Variants in PRKAR1A observed in about 807,000 individuals in gnomAD.
The protein encoded by PRKAR1A is cAMP-dependent protein kinase type I-alpha regulatory subunit.
In PRKAR1A, 3 loss-of-function variants were observed where a neutral mutation model predicts 52.0. The observed-to-expected ratio is 0.06, with a 90% CI of 0.03 to 0.15. The LOEUF (loss-of-function observed/expected upper bound fraction) is 0.15. Ranked by LOEUF, PRKAR1A falls within the 10% of genes least tolerant of loss-of-function variation. The pLI, the probability that PRKAR1A is intolerant of heterozygous loss-of-function variation, is 1.00. For missense variants in PRKAR1A, 240 were observed against 477.4 expected (o/e 0.50, Z 4.63); for synonymous variants, 188 against 168.4 (o/e 1.12, Z -0.90).
intron 8 of PRKAR1A, chr17:68,528,658 C>T (rs2143362635): frequency 3.3e-6 from 2 of 606,770 alleles, no homozygotes; most frequent in Non-Finnish European, 5.8e-6. Flanking sequence ...AGCCACTGGG[C>T]TACCGAAGTA....
chr17:68,523,637 T>C (rs953928079), intron 3 of PRKAR1A, 88 bp from the exon 4 acceptor site: 5 of 981,966 alleles, frequency 5.1e-6, no homozygotes. Context: ...TACCATAATG[T>C]GGCTTGACAT....
intron 2 of PRKAR1A, among the ~76,000 whole-genome samples, chr17:68,517,598 C>G (rs1037672621): frequency 6.6e-6 from 1 of 152,184 alleles, no homozygotes; most frequent in African/African-American, 2.4e-5. Flanking sequence ...GGGTAACCCC[C>G]CTGCCATGAT....
chr17:68,487,863 T>C, the PRKAR1A span, among the ~76,000 whole-genome samples: 1 of 151,678 alleles, frequency 6.6e-6, no homozygotes, highest in East Asian at 1.9e-4. Context: ...ATTTTGCATT[T>C]TCTTTGTGCC....
intron 7 of PRKAR1A, among the ~76,000 whole-genome samples, chr17:68,527,125 A>G (rs1038265709): frequency 1.3e-5 from 2 of 152,216 alleles, no homozygotes; most frequent in African/African-American, 2.4e-5. Context: ...ACCTGGAACT[A>G]TTGGTTTGAA....
chr17:68,467,957 C>T, the PRKAR1A span, among the ~76,000 whole-genome samples: 1 of 151,972 alleles, frequency 6.6e-6, no homozygotes, highest in South Asian at 2.1e-4. Context: ...TGCAGTGGTG[C>T]CATCATGGCT....
intron 4 of PRKAR1A, 37 bp downstream of exon 4, chr17:68,523,853 T>G (rs373186017): frequency 1.2e-6 from 2 of 1,602,242 alleles, no homozygotes; most frequent in Non-Finnish European, 1.7e-6. Flanking sequence ...ATTTTTCAAG[T>G]AAGGGTGTGA....
chr17:68,485,680 TAC>T, the PRKAR1A span, among the ~76,000 whole-genome samples: 2 of 152,186 alleles, frequency 1.3e-5, no homozygotes, highest in Non-Finnish European at 2.9e-5. Flanking sequence ...CATAAAGAAT[TAC>T]AGTTTTTCAT....
chr17:68,535,951 T>G (rs1162497629), downstream of PRKAR1A: 1 of 454,158 alleles, frequency 2.2e-6, no homozygotes, highest in South Asian at 1.6e-5. Context: ...GATTTAAAGT[T>G]CTTCCATGCA....
the PRKAR1A span, among the ~76,000 whole-genome samples, chr17:68,466,237 G>A: frequency 1.3e-5 from 2 of 152,092 alleles, no homozygotes; most frequent in Non-Finnish European, 2.9e-5. Flanking sequence ...GCGGGGACCT[G>A]CCCTTTTAGG....
the PRKAR1A span, chr17:68,421,722 C>T: frequency 6.2e-7 from 1 of 1,613,832 alleles, no homozygotes; most frequent in South Asian, 1.1e-5. Flanking sequence ...CTTGTTTTCT[C>T]CAAAACCACC....
chr17:68,498,965 CAT>C, the PRKAR1A span, among the ~76,000 whole-genome samples: 1 of 152,230 alleles, frequency 6.6e-6, no homozygotes, highest in African/African-American at 2.4e-5. Context: ...TTCCTCACTA[CAT>C]GACTTGGGCA....
chr17:68,530,898 T>C lies in PRKAR1A; in HGVS notation c.*449T>C, dbSNP rs1305170055. The C allele has an allele frequency of 8.0e-6, 9 of 1,125,284 alleles. No homozygotes were observed. The highest frequency in any genetic ancestry group is 9.8e-6 in the Non-Finnish European group (9 of 914,160). 69.7% of individuals were successfully genotyped at this position (1,125,284 alleles called of 1,614,324 possible). On this transcript the variant is annotated 3_prime_UTR_variant, in exon 11 of 11. Coordinates refer to ENST00000589228, the MANE Select transcript of PRKAR1A (RefSeq NM_002734.5). The stretch of plus-strand genomic sequence containing the variant: ...GAATAAATGGTTTCTCATTAAACTC[T>C]AAAGATTAGGGAAAATGGATATAGA...
the PRKAR1A span, chr17:68,434,487 G>A: frequency 6.4e-7 from 1 of 1,555,872 alleles, no homozygotes; most frequent in African/African-American, 1.4e-5. Flanking sequence ...CCTCTCCCTA[G>A]ACAGCTGCCA....
chr17:68,444,524 C>T, the PRKAR1A span: 1 of 1,614,052 alleles, frequency 6.2e-7, no homozygotes, highest in East Asian at 2.2e-5. Context: ...CCAGGAGGGT[C>T]TTCAACAGCT....
chr17:68,427,262 G>A, the PRKAR1A span: 44 of 1,603,704 alleles, frequency 2.7e-5, no homozygotes, highest in Non-Finnish European at 3.6e-5. Flanking sequence ...AGCTACTTGT[G>A]ACAATCAAGA....
chr17:68,467,001 A>G, the PRKAR1A span, among the ~76,000 whole-genome samples: 2 of 152,262 alleles, frequency 1.3e-5, no homozygotes, highest in Non-Finnish European at 2.9e-5. Context: ...TATCTCATAT[A>G]AATGGAATCA....
At position 68,531,449 on chromosome 17, in the gene PRKAR1A, A is replaced by G; in HGVS notation, c.*1000A>G. The G allele has an allele frequency of 9.4e-7, 1 of 1,066,170 alleles. No homozygotes were observed. The highest frequency in any genetic ancestry group is 4.2e-4 in the Middle Eastern group (1 of 2,406). The allele number at this position is 1,066,170 out of a possible 1,614,324, so 66.0% of individuals were successfully genotyped here. Reference sequence around the variant, plus strand: ...ATGTCCTAACAGAGAAATAGAGGTGATGCTGCTAAAGGGAGAAATGCCAGG... The same window carrying G: ...ATGTCCTAACAGAGAAATAGAGGTGGTGCTGCTAAAGGGAGAAATGCCAGG... On this transcript the variant is annotated 3_prime_UTR_variant, in exon 11 of 11. Coordinates refer to ENST00000589228, the MANE Select transcript of PRKAR1A (RefSeq NM_002734.5).
chr17:68,424,643 A>T, the PRKAR1A span: 1 of 392,284 alleles, frequency 2.5e-6, no homozygotes, highest in South Asian at 1.9e-5. Context: ...TGGGAGGCCG[A>T]GACGAGTGGA....
At chr17:68,422,934 C>G in the PRKAR1A span, among the ~76,000 whole-genome samples, 1 of 152,044 alleles carries the variant, frequency 6.6e-6, no homozygotes, top group Non-Finnish European at 1.5e-5. Flanking sequence ...TCTTTTCTTT[C>G]ACTGCTCTCA....
Sources: gnomAD v4.1 joint callset for allele counts (sites outside exome capture counted in the v4.1 genomes callset) on GRCh38, gnomAD v4.1.1 for gene constraint, MANE v1.5 for transcripts, NCBI Gene and HGNC (gene_info 2026-07-23, HGNC 2026-07-21) for gene names.